GPATCH8: variants seen among roughly 807,000 people sequenced by gnomAD.
The protein encoded by GPATCH8 is G-patch domain containing 8.
A neutral mutation model predicts 118.3 loss-of-function variants in GPATCH8; 18 were observed. That is an observed-to-expected ratio of 0.15 (90% CI 0.11 to 0.23). The LOEUF (loss-of-function observed/expected upper bound fraction) is 0.23, where lower values mean the gene tolerates loss of function less well. Among genes scored for constraint, GPATCH8 ranks in the 10% least tolerant of loss-of-function variants. The pLI is 1.00. For synonymous variants in GPATCH8, 659 were observed against 684.7 expected, an observed-to-expected ratio of 0.96 and a Z score of 0.59; for missense variants, 1,631 against 1,873.8, an observed-to-expected ratio of 0.87 and a Z score of 2.39.
At chr17:44,454,928 A>G (rs2051268733) in intron 3 of GPATCH8, among the ~76,000 whole-genome samples, 1 of 152,192 alleles carries the variant, frequency 6.6e-6, no homozygotes, top group African/African-American at 2.4e-5. Flanking sequence ...CAACTGTATG[A>G]AGACTCCAAG....
intron 3 of GPATCH8, among the ~76,000 whole-genome samples, chr17:44,448,509 G>GA (rs1350926426): frequency 1.7e-5 from 2 of 115,540 alleles, no homozygotes; most frequent in African/African-American, 3.3e-5. Context: ...AAAAAGGGGG[G>GA]GGGGGGAAGA....
Position 44,459,865 on chromosome 17 carries a change from T to C in GPATCH8, c.193+4607A>G, listed in dbSNP as rs186742688. On this transcript the variant is annotated intron_variant, in intron 3 of 7. Transcript: ENST00000591680. ...GTAGTGTTAGGTCAGTAAATATGTG[T>C]TGGTTGTCTAAATGTACTCATCGAA... Among the ~76,000 whole-genome samples, 21 of 152,278 alleles carry C rather than the reference T, an allele frequency of 1.4e-4. 2 individuals carry two copies. The highest frequency in any genetic ancestry group is 4.6e-4 in the African/African-American group (19 of 41,554).
chr17:44,396,388 G>A lies in GPATCH8; in HGVS notation c.*1180C>T, dbSNP rs2048780107. 2.2e-6 allele frequency: 1 copy of A among 454,348 alleles called. No individual in the cohort carries two copies. Among genetic ancestry groups the A allele is most frequent in the African/African-American group, 2.0e-5 (1 of 49,990 alleles). The allele number at this position is 454,348 out of a possible 1,614,324, so 28.1% of individuals were successfully genotyped here. On this transcript the variant is annotated 3_prime_UTR_variant, in exon 8 of 8. Transcript: ENST00000591680. The stretch of plus-strand genomic sequence containing the variant: ...GATGAGCATCCCTCAGAAGCCCCCA[G>A]CTGACTGCTGCCCATTAGCTCAAAA...
chr17:44,422,583 G>A (rs1221568321), intron 6 of GPATCH8, among the ~76,000 whole-genome samples: 4 of 151,576 alleles, frequency 2.6e-5, no homozygotes, highest in African/African-American at 9.7e-5. Context: ...TCCGCCTCCC[G>A]GGTTCACGCC....
chr17:44,491,436 C>T (rs149466932), intron 1 of GPATCH8, among the ~76,000 whole-genome samples: 91 of 145,822 alleles, frequency 6.2e-4, no homozygotes, highest in African/African-American at 2.3e-3. Flanking sequence ...TGCAGTGAGC[C>T]GAGATTGCGC....
intron 5 of GPATCH8, among the ~76,000 whole-genome samples, chr17:44,425,730 T>C (rs1243016772): frequency 6.6e-6 from 1 of 152,128 alleles, no homozygotes; most frequent in East Asian, 1.9e-4. Context: ...GGTCTCACTA[T>C]GCTGCCAAAG....
intron 1 of GPATCH8, among the ~76,000 whole-genome samples, chr17:44,479,504 C>G (rs1968041452): frequency 6.6e-6 from 1 of 152,106 alleles, no homozygotes; most frequent in Non-Finnish European, 1.5e-5. Context: ...AACAAAAGAG[C>G]TTCAATCCAT....
At chr17:44,488,483 C>T (rs1306282125) in intron 1 of GPATCH8, among the ~76,000 whole-genome samples, 2 of 151,924 alleles carry the variant, frequency 1.3e-5, no homozygotes, top group African/African-American at 4.8e-5. Flanking sequence ...ATTCTCCTGC[C>T]TCAGCCTCCC....
At chr17:44,448,052 TCCTATCTCAG>T (rs2050953520) in intron 3 of GPATCH8, among the ~76,000 whole-genome samples, 1 of 152,024 alleles carries the variant, frequency 6.6e-6, no homozygotes, top group Non-Finnish European at 1.5e-5. Flanking sequence ...CAAGCGATTC[TCCTATCTCAG>T]CCTCCTGAGT....
At chr17:44,445,938 T>C (rs979300334) in intron 3 of GPATCH8, 4 of 152,142 alleles carry the variant, frequency 2.6e-5, no homozygotes, top group Admixed American at 2.0e-4. Flanking sequence ...TAGCTATTAA[T>C]TTCTTTTTAT....
At chr17:44,442,386 C>A (rs189129580) in intron 3 of GPATCH8, among the ~76,000 whole-genome samples, 365 of 152,218 alleles carry the variant, frequency 2.4e-3, no homozygotes, top group African/African-American at 8.7e-3. Flanking sequence ...CTGAAGTTGT[C>A]TTTTAAAGAT....
intron 1 of GPATCH8, among the ~76,000 whole-genome samples, chr17:44,501,322 CAGA>C (rs1970049119): frequency 6.6e-6 from 1 of 151,540 alleles, no homozygotes; most frequent in Admixed American, 6.6e-5. Context: ...GAGGCTGAGG[CAGA>C]AGAATTGCTT....
chr17:44,500,380 C>CAGG (rs1969969244), intron 1 of GPATCH8, among the ~76,000 whole-genome samples: 1 of 152,076 alleles, frequency 6.6e-6, no homozygotes, highest in African/African-American at 2.4e-5. Flanking sequence ...TGGAATAGGA[C>CAGG]CTGTTTGTTA....
intron 1 of GPATCH8, among the ~76,000 whole-genome samples, chr17:44,489,037 G>A (rs1969020050): frequency 1.3e-5 from 2 of 151,396 alleles, no homozygotes; most frequent in Admixed American, 6.6e-5. Context: ...CCAGTCTGAG[G>A]GACAGAGTGA....
In GPATCH8 at chr17:44,448,522, GAGGAAGAAGAAGA is replaced by G. The variant is rs1316493378; in HGVS notation, c.194-11990_194-11978del. Among the ~76,000 whole-genome samples the G allele has an allele frequency of 1.0e-4, 13 of 125,372 alleles. 1 individual carries two copies. Among genetic ancestry groups the G allele is most frequent in the Non-Finnish European group, 1.7e-4 (10 of 59,256 alleles). The allele number at this position is 125,372 out of a possible 152,430, so 82.2% of individuals were successfully genotyped here. A position where few individuals can be genotyped will look rare whatever the true frequency, so the allele number is the denominator to read the frequency against. The stretch of plus-strand genomic sequence containing the variant: ...AAAAAAAGGGGGGGGGGGGAAGAAG[GAGGAAGAAGAAGA>G]AGGAAGAAGAAGAGGAAGAGGAAGA... On this transcript the variant is annotated intron_variant, in intron 3 of 7. Transcript: ENST00000591680.
At chr17:44,403,772 C>A (rs914743142) in intron 7 of GPATCH8, among the ~76,000 whole-genome samples, 5 of 151,674 alleles carry the variant, frequency 3.3e-5, no homozygotes, top group Non-Finnish European at 7.4e-5. Flanking sequence ...TGGCTCACTG[C>A]AACCTCTGCC....
intron 6 of GPATCH8, among the ~76,000 whole-genome samples, chr17:44,420,182 AG>A: frequency 6.6e-6 from 1 of 152,294 alleles, no homozygotes; most frequent in East Asian, 1.9e-4. Flanking sequence ...GCAGTCCATG[AG>A]TTCTCCATGG....
chr17:44,413,519 T>C (rs1445131723), intron 6 of GPATCH8, among the ~76,000 whole-genome samples: 1 of 152,132 alleles, frequency 6.6e-6, no homozygotes, highest in Non-Finnish European at 1.5e-5. Flanking sequence ...TCTCACTCTG[T>C]AGCCCAGGCT....
intron 6 of GPATCH8, among the ~76,000 whole-genome samples, chr17:44,411,306 G>T (rs2049421796): frequency 1.3e-5 from 2 of 152,160 alleles, no homozygotes; most frequent in South Asian, 4.1e-4. Flanking sequence ...AACTGTGATT[G>T]AGTTGAGTAA....
Sources: gnomAD v4.1 joint callset for allele counts (sites outside exome capture counted in the v4.1 genomes callset) on GRCh38, gnomAD v4.1.1 for gene constraint, MANE v1.5 for transcripts, NCBI Gene and HGNC (gene_info 2026-07-23, HGNC 2026-07-21) for gene names.